Variants in TTC28 observed in about 807,000 individuals in gnomAD.
The protein encoded by TTC28 is tetratricopeptide repeat domain 28, also known as tetratricopeptide repeat protein 28.
Under a neutral mutation model 198.0 loss-of-function variants are expected in TTC28, and 61 were observed. The ratio of observed to expected loss-of-function variants is 0.31; its 90% CI spans 0.25 to 0.38. The LOEUF (loss-of-function observed/expected upper bound fraction) is 0.38, where lower values mean the gene tolerates loss of function less well. Ranked by LOEUF, TTC28 falls within the 10% of genes least tolerant of loss-of-function variation. TTC28 has a pLI of 1.00. For missense variants in TTC28, 2,678 were observed against 3,164.0 expected (o/e 0.85, Z 3.69); for synonymous variants, 1,171 against 1,297.8 (o/e 0.90, Z 2.10).
intron 2 of TTC28, among the ~76,000 whole-genome samples, chr22:28,495,427 T>C (rs936592434): frequency 6.6e-6 from 1 of 152,148 alleles, no homozygotes; most frequent in Admixed American, 6.6e-5. Context: ...TCCTCCAAAA[T>C]TCAGAGGGGA....
chr22:28,389,757 T>C lies in TTC28; in HGVS notation c.382-83114A>G, dbSNP rs1430481591. The stretch of plus-strand genomic sequence containing the variant: ...TTTTTTTCTTTATTAGTCTTGCTAG[T>C]GGTCTATCAATTTTGTTGATCCTTT... On this transcript the variant is annotated intron_variant, in intron 2 of 22. Coordinates refer to ENST00000397906, the MANE Select transcript of TTC28 (RefSeq NM_001145418.2). Among the ~76,000 whole-genome samples the C allele has an allele frequency of 2.0e-3, 298 of 148,956 alleles. 1 individual carries two copies. Among genetic ancestry groups the C allele is most frequent in the South Asian group, 0.017 (78 of 4,570 alleles).
chr22:28,439,288 A>T (rs2047576003), intron 2 of TTC28, among the ~76,000 whole-genome samples: 1 of 152,144 alleles, frequency 6.6e-6, no homozygotes, highest in African/African-American at 2.4e-5. Context: ...AGAGGCACAG[A>T]CTCTAAATGC....
intron 12 of TTC28, among the ~76,000 whole-genome samples, chr22:28,031,982 CT>C (rs1939100673): frequency 6.6e-6 from 1 of 151,620 alleles, no homozygotes. Context: ...TGCCTTCAGG[CT>C]TGGACTTGAA....
At chr22:28,595,745 G>A (rs555099312) in intron 2 of TTC28, among the ~76,000 whole-genome samples, 1 of 152,294 alleles carries the variant, frequency 6.6e-6, no homozygotes, top group South Asian at 2.1e-4. Flanking sequence ...CCAACATGGT[G>A]AAACCCCATC....
At chr22:28,038,207 G>C (rs1939446054) in intron 12 of TTC28, among the ~76,000 whole-genome samples, 1 of 152,048 alleles carries the variant, frequency 6.6e-6, no homozygotes, top group African/African-American at 2.4e-5. Flanking sequence ...GCCCACATTG[G>C]CAAGTCAATC....
chr22:28,401,791 G>C (rs886465734), intron 2 of TTC28, among the ~76,000 whole-genome samples: 8 of 152,002 alleles, frequency 5.3e-5, no homozygotes, highest in African/African-American at 1.9e-4. Flanking sequence ...TTTTTAAATA[G>C]AAAAATTAAA....
chr22:28,332,906 T>G (rs2045639282), intron 2 of TTC28, among the ~76,000 whole-genome samples: 1 of 152,090 alleles, frequency 6.6e-6, no homozygotes, highest in South Asian at 2.1e-4. Flanking sequence ...AGACCAATAG[T>G]TCTAATGGCT....
At chr22:28,018,250 T>TGTGTGTGTGC (rs922228730) in intron 13 of TTC28, among the ~76,000 whole-genome samples, 6 of 126,330 alleles carry the variant, frequency 4.7e-5, no homozygotes, top group African/African-American at 1.8e-4. Flanking sequence ...ATTCAGTGTG[T>TGTGTGTGTGC]GTGTGTGTGT....
At chr22:28,252,336 A>C (rs1930570605) in intron 5 of TTC28, among the ~76,000 whole-genome samples, 1 of 152,218 alleles carries the variant, frequency 6.6e-6, no homozygotes, top group African/African-American at 2.4e-5. Flanking sequence ...CTCTATTCCA[A>C]CTACTGAAAT....
Position 27,985,421 on chromosome 22 carries a change from G to A in TTC28, c.5708-65C>T, listed in dbSNP as rs138182766. ...AAGATTCCAGATCTTGAACATGAGC[G>A]CTATAGGGCTCCTTGTGCAACTTCA... On this transcript the variant is annotated intron_variant, in intron 21 of 22. Coordinates refer to ENST00000397906, the MANE Select transcript of TTC28 (RefSeq NM_001145418.2). 47 of 1,271,408 alleles carry A rather than the reference G, an allele frequency of 3.7e-5. 1 individual carries two copies. The highest frequency in any genetic ancestry group is 4.5e-5 in the Non-Finnish European group (41 of 901,548). The allele number at this position is 1,271,408 out of a possible 1,614,324, so 78.8% of individuals were successfully genotyped here.
At chr22:28,289,210 T>C (rs969682072) in intron 5 of TTC28, among the ~76,000 whole-genome samples, 3 of 152,128 alleles carry the variant, frequency 2.0e-5, no homozygotes, top group East Asian at 1.9e-4. Context: ...TAGGCACAGA[T>C]TGAGGGCTCA....
At chr22:28,504,364 T>C (rs976194094) in intron 2 of TTC28, among the ~76,000 whole-genome samples, 1 of 152,242 alleles carries the variant, frequency 6.6e-6, no homozygotes, top group African/African-American at 2.4e-5. Context: ...GCTATGTGTG[T>C]GTGTGTGTCT....
intron 2 of TTC28, among the ~76,000 whole-genome samples, chr22:28,567,406 AAT>A (rs1285115868): frequency 7.0e-6 from 1 of 143,436 alleles, no homozygotes; most frequent in African/African-American, 2.5e-5. Flanking sequence ...AAAAGAAAAA[AAT>A]ATATATATAC....
At chr22:28,243,085 C>T (rs927220120) in intron 5 of TTC28, among the ~76,000 whole-genome samples, 5 of 146,774 alleles carry the variant, frequency 3.4e-5, no homozygotes, top group African/African-American at 1.0e-4. Context: ...CACCTCTAAT[C>T]CCAACACTTT....
intron 12 of TTC28, among the ~76,000 whole-genome samples, chr22:28,040,786 A>T (rs1165294586): frequency 3.3e-5 from 5 of 152,200 alleles, no homozygotes; most frequent in African/African-American, 9.7e-5. Flanking sequence ...GGAAAAGAGG[A>T]AGTCAAATTG....
At chr22:28,654,821 A>T (rs1276921841) in intron 1 of TTC28, among the ~76,000 whole-genome samples, 1 of 152,192 alleles carries the variant, frequency 6.6e-6, no homozygotes, top group African/African-American at 2.4e-5. Context: ...ACTTCCCTCA[A>T]ATGTTCATCA....
At chr22:28,100,441 A>C (rs185099653) in intron 9 of TTC28, among the ~76,000 whole-genome samples, 27 of 152,372 alleles carry the variant, frequency 1.8e-4, no homozygotes, top group South Asian at 6.2e-4. Context: ...TACTTTTTAT[A>C]ACCAGGAAAT....
intron 12 of TTC28, among the ~76,000 whole-genome samples, chr22:28,069,240 G>A (rs1181960947): frequency 2.0e-5 from 3 of 152,144 alleles, no homozygotes; most frequent in South Asian, 2.1e-4. Flanking sequence ...TAAGGCCGAC[G>A]TTTGTATTCT....
chr22:28,114,723 C>T (rs1266041909), intron 6 of TTC28, among the ~76,000 whole-genome samples: 1 of 151,648 alleles, frequency 6.6e-6, no homozygotes. Context: ...GGGACTATAG[C>T]TGTGCACCAC....
Sources: gnomAD v4.1 joint callset for allele counts (sites outside exome capture counted in the v4.1 genomes callset) on GRCh38, gnomAD v4.1.1 for gene constraint, MANE v1.5 for transcripts, NCBI Gene and HGNC (gene_info 2026-07-23, HGNC 2026-07-21) for gene names.